LOC128125817: variants seen among roughly 807,000 people sequenced by gnomAD.
the LOC128125817 span, among the ~76,000 whole-genome samples, chr1:41,624,779 T>C: frequency 1.3e-5 from 2 of 152,318 alleles, no homozygotes; most frequent in East Asian, 1.9e-4. Flanking sequence ...CCTCCCCAAA[T>C]GCCCAGATAA....
the LOC128125817 span, among the ~76,000 whole-genome samples, chr1:41,618,219 C>T: frequency 6.6e-6 from 1 of 152,202 alleles, no homozygotes; most frequent in Non-Finnish European, 1.5e-5. Flanking sequence ...CCGGAGCCAC[C>T]AGGCTTGCCA....
the LOC128125817 span, among the ~76,000 whole-genome samples, chr1:41,599,044 T>C: frequency 6.6e-6 from 1 of 152,150 alleles, no homozygotes; most frequent in Non-Finnish European, 1.5e-5. Context: ...CTTGAACTCC[T>C]GGGCTCAAGT....
the LOC128125817 span, among the ~76,000 whole-genome samples, chr1:41,605,367 G>GCACA: frequency 5.6e-3 from 629 of 111,760 alleles, 10 homozygotes; most frequent in Middle Eastern, 0.046. Flanking sequence ...ATACACACAC[G>GCACA]CACACGCGCA....
the LOC128125817 span, among the ~76,000 whole-genome samples, chr1:41,604,935 C>T: frequency 5.9e-5 from 9 of 151,568 alleles, no homozygotes; most frequent in Non-Finnish European, 1.5e-5. Flanking sequence ...GAGACCTCAT[C>T]TCTACAAAAA....
At chr1:41,591,979 G>A in the LOC128125817 span, among the ~76,000 whole-genome samples, 1 of 152,296 alleles carries the variant, frequency 6.6e-6, no homozygotes, top group East Asian at 1.9e-4. Flanking sequence ...CTCCTGAAGA[G>A]CAGGTGCTGC....
the LOC128125817 span, among the ~76,000 whole-genome samples, chr1:41,599,452 G>GAAGTTGTTCTTCAACTTCAACAAAGA: frequency 6.6e-6 from 1 of 152,132 alleles, no homozygotes; most frequent in Admixed American, 6.5e-5. Flanking sequence ...GTTCAACAAA[G>GAAGTTGTTCTTCAACTTCAACAAAGA]ACTCTAATAA....
At chr1:41,608,616 T>C in the LOC128125817 span, among the ~76,000 whole-genome samples, 8 of 152,224 alleles carry the variant, frequency 5.3e-5, no homozygotes, top group African/African-American at 1.9e-4. Flanking sequence ...GAGACAAAAA[T>C]CACTGAGACT....
At chr1:41,609,406 A>C in the LOC128125817 span, among the ~76,000 whole-genome samples, 1 of 152,220 alleles carries the variant, frequency 6.6e-6, no homozygotes, top group African/African-American at 2.4e-5. Flanking sequence ...CAATGACCCG[A>C]CTGCCTAAGG....
chr1:41,590,166 A>G, the LOC128125817 span, among the ~76,000 whole-genome samples: 1 of 152,240 alleles, frequency 6.6e-6, no homozygotes, highest in Non-Finnish European at 1.5e-5. Flanking sequence ...ATATAAGCAT[A>G]TGGGTCTGGA....
At chr1:41,592,549 G>A in the LOC128125817 span, among the ~76,000 whole-genome samples, 2 of 152,296 alleles carry the variant, frequency 1.3e-5, no homozygotes, top group Non-Finnish European at 2.9e-5. Flanking sequence ...TCCATCTAGT[G>A]ATACCTGCTA....
the LOC128125817 span, among the ~76,000 whole-genome samples, chr1:41,591,001 G>T: frequency 6.6e-6 from 1 of 152,142 alleles, no homozygotes; most frequent in South Asian, 2.1e-4. Context: ...TGTCATGTGT[G>T]GTTTAAATTG....
chr1:41,611,415 G>A, the LOC128125817 span, among the ~76,000 whole-genome samples: 1 of 152,158 alleles, frequency 6.6e-6, no homozygotes, highest in African/African-American at 2.4e-5. Flanking sequence ...GGGACAGAGC[G>A]CCATGTGCCA....
the LOC128125817 span, among the ~76,000 whole-genome samples, chr1:41,625,498 A>G: frequency 3.9e-5 from 6 of 152,348 alleles, no homozygotes; most frequent in East Asian, 1.9e-4. Context: ...TCAGATTTCA[A>G]TGTGTTTGTG....
chr1:41,585,382 G>C, the LOC128125817 span: 1 of 398,506 alleles, frequency 2.5e-6, no homozygotes, highest in Non-Finnish European at 4.4e-6. Context: ...AGAGTTACTG[G>C]GACTCATGCA....
At chr1:41,613,912 CAT>C in the LOC128125817 span, among the ~76,000 whole-genome samples, 1 of 152,224 alleles carries the variant, frequency 6.6e-6, no homozygotes, top group Admixed American at 6.5e-5. Flanking sequence ...AATCACCCGC[CAT>C]ATGTCCTTTT....
At chr1:41,625,086 C>G in the LOC128125817 span, among the ~76,000 whole-genome samples, 9 of 139,886 alleles carry the variant, frequency 6.4e-5, no homozygotes, top group Non-Finnish European at 1.2e-4. Flanking sequence ...TAGCTTGAAC[C>G]TGGGAGGCAG....
the LOC128125817 span, among the ~76,000 whole-genome samples, chr1:41,627,863 A>ACTCC: frequency 5.3e-5 from 8 of 151,334 alleles, no homozygotes; most frequent in Non-Finnish European, 1.0e-4. Flanking sequence ...AGGCCAGAGA[A>ACTCC]CTCCCTCCCT....
chr1:41,606,996 T>C, the LOC128125817 span, among the ~76,000 whole-genome samples: 18 of 152,158 alleles, frequency 1.2e-4, no homozygotes, highest in Non-Finnish European at 2.5e-4. Context: ...TTTTTATTTT[T>C]ATTTTTAAAT....
the LOC128125817 span, among the ~76,000 whole-genome samples, chr1:41,608,632 A>T: frequency 1.3e-5 from 2 of 152,188 alleles, no homozygotes; most frequent in African/African-American, 4.8e-5. Flanking sequence ...AGACTTCTGG[A>T]ATCCTGGGCT....
Sources: gnomAD v4.1 joint callset for allele counts (sites outside exome capture counted in the v4.1 genomes callset) on GRCh38, gnomAD v4.1.1 for gene constraint, MANE v1.5 for transcripts.